TSC22D1: variants seen among roughly 807,000 people sequenced by gnomAD.
TSC22D1 encodes TSC22 domain family protein 1.
In TSC22D1, 9 loss-of-function variants were observed where a neutral mutation model predicts 74.2. That is an observed-to-expected ratio of 0.12 (90% CI 0.07 to 0.21). The LOEUF (loss-of-function observed/expected upper bound fraction) is 0.21. TSC22D1 is among the 10% of genes least tolerant of loss of function. The pLI is 1.00. For synonymous variants in TSC22D1, 586 were observed against 492.5 expected, an observed-to-expected ratio of 1.19 and a Z score of -2.51; for missense variants, 1,427 against 1,304.7, an observed-to-expected ratio of 1.09 and a Z score of -1.44.
intron 1 of TSC22D1, among the ~76,000 whole-genome samples, chr13:44,566,996 T>C (rs1170840130): frequency 6.6e-6 from 1 of 152,118 alleles, no homozygotes; most frequent in Non-Finnish European, 1.5e-5. Context: ...GTCCTACAGA[T>C]TCCCAACTGT....
At chr13:44,481,864 T>C (rs1878193806) in intron 1 of TSC22D1, among the ~76,000 whole-genome samples, 4 of 152,062 alleles carry the variant, frequency 2.6e-5, no homozygotes, top group Non-Finnish European at 5.9e-5. Context: ...TAGAAAGTAT[T>C]CCTCCTTTGA....
chr13:44,450,998 C>A (rs1378489142), intron 1 of TSC22D1, among the ~76,000 whole-genome samples: 1 of 152,116 alleles, frequency 6.6e-6, no homozygotes, highest in Non-Finnish European at 1.5e-5. Context: ...GAGGCACTTG[C>A]AAGAACCTTG....
In TSC22D1 at chr13:44,575,823, G is replaced by A. The variant is rs374714118; in HGVS notation, c.252C>T (p.Ser84=). 86 of 1,613,856 alleles carry A rather than the reference G, an allele frequency of 5.3e-5. No homozygotes were observed. In the South Asian group the frequency reaches 8.0e-4, roughly 15 times the overall value. Residue 84 remains serine (S), a synonymous_variant, in exon 1 of 3, where the codon AGC becomes AGT. Coordinates refer to ENST00000458659, the MANE Select transcript of TSC22D1 (RefSeq NM_183422.4). ...TSGPQPPPPQ[S]LNLLSQAQLQ... ...GCTGAGCCTGCGAAAGGAGGTTCAG[G>A]CTTTGTGGAGGCGGAGGCTGTGGTC... is the stretch of plus-strand genomic sequence containing the variant.
At chr13:44,540,140 A>C in intron 1 of TSC22D1, 1 of 338,692 alleles carries the variant, frequency 3.0e-6, no homozygotes, top group Non-Finnish European at 5.8e-6. Flanking sequence ...GTATTGGTCT[A>C]AGCCATAACA....
At chr13:44,552,480 T>C (rs751162456) in intron 1 of TSC22D1, among the ~76,000 whole-genome samples, 2 of 152,174 alleles carry the variant, frequency 1.3e-5, no homozygotes, top group Non-Finnish European at 2.9e-5. Flanking sequence ...AAGATTTCCG[T>C]CAGGAATATG....
At chr13:44,435,117 A>C (rs1295863647) in intron 2 of TSC22D1, 2 of 443,056 alleles carry the variant, frequency 4.5e-6, no homozygotes, top group Non-Finnish European at 7.9e-6. Flanking sequence ...GACGTTGGCC[A>C]GAAACGCCCA....
In TSC22D1 at chr13:44,526,946, T is replaced by C. The variant is rs144314914; in HGVS notation, c.2912+46217A>G. Reference sequence around the variant, plus strand: ...AAAAGATACTTAAAGAAGCCACAGATGGTAGTTAAGAGAAACCTTACCTAT... The same window carrying C: ...AAAAGATACTTAAAGAAGCCACAGACGGTAGTTAAGAGAAACCTTACCTAT... On this transcript the variant is annotated intron_variant, in intron 1 of 2. Coordinates refer to ENST00000458659, the MANE Select transcript of TSC22D1 (RefSeq NM_183422.4). Among the ~76,000 whole-genome samples the C allele has an allele frequency of 8.8e-4, 134 of 152,228 alleles. 1 individual carries two copies. The highest frequency in any genetic ancestry group is 1.6e-3 in the Non-Finnish European group (109 of 68,004).
At chr13:44,549,032 A>G (rs1447750203) in intron 1 of TSC22D1, among the ~76,000 whole-genome samples, 3 of 152,144 alleles carry the variant, frequency 2.0e-5, no homozygotes, top group Non-Finnish European at 2.9e-5. Context: ...CTGCTTAAAG[A>G]CCCAGAGAAA....
At chr13:44,517,844 TATATATATATA>T (rs1179131399) in intron 1 of TSC22D1, among the ~76,000 whole-genome samples, 1 of 26,212 alleles carries the variant, frequency 3.8e-5, no homozygotes, top group African/African-American at 8.2e-5. Context: ...TATATATATA[TATATATATATA>T]TATTTTTTTT....
intron 1 of TSC22D1, among the ~76,000 whole-genome samples, chr13:44,455,173 A>G (rs1200424978): frequency 1.3e-5 from 2 of 152,164 alleles, no homozygotes; most frequent in Non-Finnish European, 2.9e-5. Context: ...AGAGAGGATG[A>G]AATTTTAGCT....
At chr13:44,537,058 CT>C (rs1881191930) in intron 1 of TSC22D1, 1 of 959,468 alleles carries the variant, frequency 1.0e-6, no homozygotes, top group Non-Finnish European at 1.2e-6. Flanking sequence ...GCAGTTTTCA[CT>C]TTCTACTCCT....
intron 1 of TSC22D1, chr13:44,537,220 T>C (rs1454258552): frequency 2.3e-5 from 21 of 895,780 alleles, no homozygotes; most frequent in Non-Finnish European, 2.7e-5. Flanking sequence ...CTGAAAAATA[T>C]AGGACTTCAT....
chr13:44,470,963 A>G (rs145170331), intron 1 of TSC22D1, among the ~76,000 whole-genome samples: 215 of 152,344 alleles, frequency 1.4e-3, no homozygotes, highest in African/African-American at 4.3e-3. Flanking sequence ...CTGACAACAG[A>G]TAAGTTATAT....
At chr13:44,498,079 T>C (rs1377844794) in intron 1 of TSC22D1, among the ~76,000 whole-genome samples, 1 of 144,542 alleles carries the variant, frequency 6.9e-6, no homozygotes, top group African/African-American at 2.6e-5. Flanking sequence ...CTGGGCAACA[T>C]GATAAAACCA....
intron 1 of TSC22D1, among the ~76,000 whole-genome samples, chr13:44,437,563 C>T (rs9533850): frequency 0.076 from 11,511 of 152,188 alleles, 560 homozygotes; most frequent in Non-Finnish European, 0.1. Context: ...GCCCGTAGAG[C>T]CACAAACCTT....
chr13:44,496,620 G>A (rs578084768), intron 1 of TSC22D1, among the ~76,000 whole-genome samples: 144 of 152,246 alleles, frequency 9.5e-4, no homozygotes, highest in Non-Finnish European at 1.8e-3. Flanking sequence ...GAGAGGTGGA[G>A]GTTGCAGTGA....
chr13:44,517,819 G>GTGTGTA (rs71070910), intron 1 of TSC22D1, among the ~76,000 whole-genome samples: 2,662 of 28,870 alleles, frequency 0.092, 360 homozygotes, highest in Non-Finnish European at 0.1. Flanking sequence ...ATATGTGTGT[G>GTGTGTA]TGTGTGTGTG....
chr13:44,570,781 C>T (rs2138240641), intron 1 of TSC22D1, among the ~76,000 whole-genome samples: 1 of 152,214 alleles, frequency 6.6e-6, no homozygotes, highest in East Asian at 1.9e-4. Flanking sequence ...TGACCAAGCC[C>T]AGAAGATGCA....
chr13:44,498,397 G>C (rs1879071167), intron 1 of TSC22D1, among the ~76,000 whole-genome samples: 1 of 152,220 alleles, frequency 6.6e-6, no homozygotes, highest in South Asian at 2.1e-4. Flanking sequence ...TCTTTCCCAA[G>C]TGAGCAACTT....
Sources: allele counts gnomAD v4.1 joint callset (sites outside exome capture counted in the v4.1 genomes callset), GRCh38; gene constraint gnomAD v4.1.1; transcripts MANE v1.5; gene names NCBI Gene and HGNC (gene_info 2026-07-23, HGNC 2026-07-21).